The following GCNT2 variants were observed in gnomAD, a reference collection of about 807,000 sequenced individuals.
The protein encoded by GCNT2 is glucosaminyl (N-acetyl) transferase 2 (I blood group).
In GCNT2, 34 loss-of-function variants were observed where a neutral mutation model predicts 34.2. The observed-to-expected ratio is 1.00, with a 90% CI of 0.76 to 1.32. The LOEUF is 1.32. Ranked by LOEUF, GCNT2 falls within the 40% of genes most tolerant of loss-of-function variation. GCNT2 has a pLI of 0.00. For synonymous variants in GCNT2, 212 were observed against 188.0 expected, an observed-to-expected ratio of 1.13 and a Z score of -1.04; for missense variants, 584 against 489.4, an observed-to-expected ratio of 1.19 and a Z score of -1.82.
At chr6:10,547,372 A>G (rs2113619641) in intron 3 of GCNT2, among the ~76,000 whole-genome samples, 1 of 152,258 alleles carries the variant, frequency 6.6e-6, no homozygotes, top group East Asian at 1.9e-4. Context: ...TCTGATCAAG[A>G]ATCTTAAGCT....
At chr6:10,576,531 CA>C (rs1385192779) in intron 3 of GCNT2, among the ~76,000 whole-genome samples, 1 of 151,780 alleles carries the variant, frequency 6.6e-6, no homozygotes, top group Non-Finnish European at 1.5e-5. Context: ...ATTAAAAAAA[CA>C]AAAATCTATT....
At chr6:10,559,072 CT>C (rs55637072) in intron 3 of GCNT2, among the ~76,000 whole-genome samples, 5,413 of 122,410 alleles carry the variant, frequency 0.044, 139 homozygotes, top group African/African-American at 0.099. Flanking sequence ...TAAATTGTTG[CT>C]TTTTTTTTTT....
chr6:10,586,008 TG>T, intron 3 of GCNT2: 1 of 1,614,158 alleles, frequency 6.2e-7, no homozygotes, highest in South Asian at 1.1e-5. Context: ...TTGGAGGTAC[TG>T]CTTTTTTGCT....
chr6:10,617,750 CTTTT>C (rs3064178), intron 3 of GCNT2, among the ~76,000 whole-genome samples: 131 of 101,684 alleles, frequency 1.3e-3, no homozygotes, highest in African/African-American at 2.6e-3. Context: ...TGCATTTCTT[CTTTT>C]TTTTTTTTTT....
At chr6:10,604,388 T>G (rs1354100570) in intron 3 of GCNT2, among the ~76,000 whole-genome samples, 1 of 152,162 alleles carries the variant, frequency 6.6e-6, no homozygotes, top group Non-Finnish European at 1.5e-5. Context: ...TATGCCAAAA[T>G]GCTAACACTA....
At chr6:10,572,026 A>G (rs1763574812) in intron 3 of GCNT2, among the ~76,000 whole-genome samples, 1 of 149,448 alleles carries the variant, frequency 6.7e-6, no homozygotes, top group East Asian at 1.9e-4. Context: ...GACTGATGCT[A>G]TCTAGAGTGA....
chr6:10,555,456 T>TG (rs1035872836), intron 3 of GCNT2, among the ~76,000 whole-genome samples: 22 of 152,232 alleles, frequency 1.4e-4, no homozygotes, highest in South Asian at 2.1e-4. Context: ...TGCCGTTCTC[T>TG]GGGGGGGTTA....
intron 3 of GCNT2, among the ~76,000 whole-genome samples, chr6:10,541,768 TC>T (rs1340522578): frequency 6.6e-6 from 1 of 152,136 alleles, no homozygotes; most frequent in African/African-American, 2.4e-5. Context: ...GAGCTAGTTT[TC>T]CCCCTAGGCT....
In GCNT2 at chr6:10,627,441, A is replaced by G. The variant is rs1345742692; in HGVS notation, c.*834A>G. ...CTTCTATGACCCCTCTCTCCCCAGT[A>G]TTATCTTACTTGCAAAATGGAGACC... On this transcript the variant is annotated 3_prime_UTR_variant, in exon 5 of 5. Coordinates refer to ENST00000495262, the MANE Select transcript of GCNT2 (RefSeq NM_145649.5). The G allele has an allele frequency of 6.6e-6, 1 of 152,172 alleles. No homozygotes were observed. The highest frequency in any genetic ancestry group is 1.5e-5 in the Non-Finnish European group (1 of 68,050). The allele number at this position is 152,172 out of a possible 1,614,324, so 9.4% of individuals were successfully genotyped here.
intron 3 of GCNT2, among the ~76,000 whole-genome samples, chr6:10,616,802 G>C (rs938923972): frequency 6.6e-6 from 1 of 151,994 alleles, no homozygotes; most frequent in African/African-American, 2.4e-5. Flanking sequence ...GTTTCTCCAA[G>C]ACCCAACCAG....
chr6:10,617,486 G>C (rs866451088), intron 3 of GCNT2, among the ~76,000 whole-genome samples: 3 of 152,218 alleles, frequency 2.0e-5, no homozygotes, highest in Non-Finnish European at 2.9e-5. Context: ...CGGGCTGAAG[G>C]GCTCCTCAAG....
At chr6:10,608,790 G>A (rs901424242) in intron 3 of GCNT2, among the ~76,000 whole-genome samples, 2 of 152,206 alleles carry the variant, frequency 1.3e-5, no homozygotes, top group South Asian at 2.1e-4. Context: ...GCAAAGAGCT[G>A]TGTGAAAATG....
At chr6:10,546,971 T>C (rs1762301814) in intron 3 of GCNT2, among the ~76,000 whole-genome samples, 1 of 152,162 alleles carries the variant, frequency 6.6e-6, no homozygotes, top group Non-Finnish European at 1.5e-5. Context: ...TCTTTTATGG[T>C]TCATGATTTT....
At chr6:10,571,138 G>T (rs1349865270) in intron 3 of GCNT2, among the ~76,000 whole-genome samples, 2 of 152,104 alleles carry the variant, frequency 1.3e-5, no homozygotes, top group African/African-American at 4.8e-5. Flanking sequence ...TGATTGTCCT[G>T]CTCCTTAAAA....
At chr6:10,562,080 G>A (rs1445417531) in intron 3 of GCNT2, among the ~76,000 whole-genome samples, 1 of 152,136 alleles carries the variant, frequency 6.6e-6, no homozygotes, top group Non-Finnish European at 1.5e-5. Context: ...AGATGCCCAA[G>A]GGAGCTCCCA....
intron 1 of GCNT2, among the ~76,000 whole-genome samples, chr6:10,526,724 T>C (rs916588270): frequency 1.3e-5 from 2 of 152,108 alleles, no homozygotes; most frequent in Non-Finnish European, 2.9e-5. Flanking sequence ...CTTGATAAAA[T>C]AAGAATGTGT....
chr6:10,549,558 T>C (rs1762398799), intron 3 of GCNT2, among the ~76,000 whole-genome samples: 1 of 110,008 alleles, frequency 9.1e-6, no homozygotes, highest in African/African-American at 4.5e-5. Flanking sequence ...TCTCAATCTC[T>C]CTCTCTTTTT....
chr6:10,522,054 A>C (rs891832077), intron 1 of GCNT2, among the ~76,000 whole-genome samples: 1 of 151,976 alleles, frequency 6.6e-6, no homozygotes, highest in Non-Finnish European at 1.5e-5. Context: ...AGCCCGGCTA[A>C]TTTTTGTATC....
chr6:10,574,723 CTTTTA>C, intron 3 of GCNT2: 1 of 499,758 alleles, frequency 2.0e-6, no homozygotes, highest in Non-Finnish European at 3.8e-6. Context: ...GTCTAGAGGT[CTTTTA>C]TTTTTTTTTA....
Sources: allele counts gnomAD v4.1 joint callset (sites outside exome capture counted in the v4.1 genomes callset), GRCh38; gene constraint gnomAD v4.1.1; transcripts MANE v1.5; gene names NCBI Gene and HGNC (gene_info 2026-07-23, HGNC 2026-07-21).